Variants in TENM2 observed in about 807,000 individuals in gnomAD.
TENM2 encodes teneurin transmembrane protein 2.
In TENM2, 52 loss-of-function variants were observed where a neutral mutation model predicts 245.2. The ratio of observed to expected loss-of-function variants is 0.21; its 90% CI spans 0.17 to 0.27. The LOEUF is 0.27. TENM2 is among the 10% of genes least tolerant of loss of function. The pLI, the probability that TENM2 is intolerant of heterozygous loss-of-function variation, is 1.00. For missense variants in TENM2, 3,046 were observed against 3,666.8 expected (o/e 0.83, Z 4.37); for synonymous variants, 1,363 against 1,438.9 (o/e 0.95, Z 1.19).
At chr5:168,251,412 G>A (rs1477414658) in intron 27 of TENM2, among the ~76,000 whole-genome samples, 1 of 152,154 alleles carries the variant, frequency 6.6e-6, no homozygotes, top group Non-Finnish European at 1.5e-5. Flanking sequence ...TAAGTCCAAC[G>A]AAATTGAATC....
rs548164951 is a variant in TENM2 at position 168,000,002 on chromosome 5, A to G, written c.1186+6820A>G. Among the ~76,000 whole-genome samples, 23 of 152,322 alleles carry G rather than the reference A, an allele frequency of 1.5e-4. No homozygotes were observed. The South Asian group carries it at 4.4e-3, about 29-fold the overall frequency. On this transcript the variant is annotated intron_variant, in intron 5 of 28. Transcript: ENST00000518659. Reference sequence around the variant, plus strand: ...GAATATGGAGAGTTCTCCACCTACTATCCCTGAATCACCATTCAAGCCTTG... The same window carrying G: ...GAATATGGAGAGTTCTCCACCTACTGTCCCTGAATCACCATTCAAGCCTTG...
At chr5:168,259,262 G>A (rs941007579) in intron 27 of TENM2, among the ~76,000 whole-genome samples, 2 of 151,804 alleles carry the variant, frequency 1.3e-5, no homozygotes, top group Admixed American at 6.6e-5. Flanking sequence ...ACTCTGGGCA[G>A]TCAGTACCCT....
intron 1 of TENM2, among the ~76,000 whole-genome samples, chr5:167,356,264 C>G (rs992330974): frequency 6.7e-6 from 1 of 148,926 alleles, no homozygotes; most frequent in Non-Finnish European, 1.5e-5. Flanking sequence ...AGGGTTGCAT[C>G]TCTATTCTCA....
intron 2 of TENM2, among the ~76,000 whole-genome samples, chr5:167,651,839 C>A (rs142977539): frequency 1.3e-5 from 2 of 152,156 alleles, no homozygotes; most frequent in Non-Finnish European, 2.9e-5. Context: ...CTATCACATG[C>A]AATACCCCAA....
chr5:167,310,623 C>CAAAAACA (rs958917532), intron 1 of TENM2, among the ~76,000 whole-genome samples: 12 of 151,640 alleles, frequency 7.9e-5, no homozygotes, highest in African/African-American at 2.9e-4. Context: ...CAAAATAAAA[C>CAAAAACA]AAAAACAAAA....
chr5:167,594,837 A>G (rs978555986), intron 2 of TENM2, among the ~76,000 whole-genome samples: 1 of 152,192 alleles, frequency 6.6e-6, no homozygotes, highest in African/African-American at 2.4e-5. Context: ...CACTTATGCC[A>G]CACTATTTTT....
intron 2 of TENM2, among the ~76,000 whole-genome samples, chr5:167,798,146 A>G (rs1765451728): frequency 6.6e-6 from 1 of 152,224 alleles, no homozygotes; most frequent in African/African-American, 2.4e-5. Flanking sequence ...TCAGCTAGAA[A>G]GTGGAAGAGC....
At chr5:167,696,137 A>C (rs1416114539) in intron 2 of TENM2, among the ~76,000 whole-genome samples, 1 of 152,192 alleles carries the variant, frequency 6.6e-6, no homozygotes, top group Non-Finnish European at 1.5e-5. Context: ...GATGAAAATC[A>C]TGAGGTGATA....
intron 9 of TENM2, among the ~76,000 whole-genome samples, chr5:168,115,857 GCT>G (rs886864829): frequency 2.0e-5 from 3 of 152,122 alleles, no homozygotes; most frequent in African/African-American, 7.2e-5. Context: ...CGGTTTCGAG[GCT>G]CTATCTGGGC....
rs755764273 is a variant in TENM2 at position 168,248,389 on chromosome 5, A to C, written c.7432+18A>C. On this transcript the variant is annotated intron_variant, in intron 27 of 28. Coordinates refer to ENST00000518659, the Ensembl canonical transcript of TENM2. Reference sequence around the variant, plus strand: ...CGTGACAGGTGAGGATTCTGCCACCAAAGGTGGGCAGTGGCTCCCTCCAGG... The same window carrying C: ...CGTGACAGGTGAGGATTCTGCCACCCAAGGTGGGCAGTGGCTCCCTCCAGG... 5 of 1,600,844 alleles carry C rather than the reference A, an allele frequency of 3.1e-6. No homozygotes were observed. In the South Asian group the frequency reaches 5.6e-5, roughly 18 times the overall value.
the TENM2 span, among the ~76,000 whole-genome samples, chr5:166,999,381 G>C: frequency 6.6e-6 from 1 of 152,134 alleles, no homozygotes; most frequent in Non-Finnish European, 1.5e-5. Context: ...GTCTTTTAGG[G>C]GACAAATACC....
chr5:167,261,331 C>T, the TENM2 span, among the ~76,000 whole-genome samples: 2 of 152,158 alleles, frequency 1.3e-5, no homozygotes. Flanking sequence ...TTCTTAACCT[C>T]TTACAATCTC....
At chr5:166,990,461 C>T in the TENM2 span, among the ~76,000 whole-genome samples, 1 of 152,106 alleles carries the variant, frequency 6.6e-6, no homozygotes, top group Non-Finnish European at 1.5e-5. Flanking sequence ...ATAAAATAAT[C>T]CGGCTGGCTG....
rs115605129 is a variant in TENM2, at chr5:167,284,857, G to A, written c.20G>A (p.Arg7Gln). 6.4e-3 allele frequency: 9,927 copies of A among 1,551,342 alleles called. 42 individuals are homozygous for A. The highest frequency in any genetic ancestry group is 7.7e-3 in the Non-Finnish European group (8,881 of 1,146,932). The change falls in exon 1 of 29, where the codon CGA (arginine) becomes CAA (glutamine). Residue 7 changes from arginine to glutamine, a missense_variant. Coordinates refer to ENST00000518659, the Ensembl canonical transcript of TENM2. Reference sequence around the variant, plus strand: ...GGAATAATGGATGTAAAGGACCGGCGACACCGCTCTTTGACCAGAGGACGC... The same window carrying A: ...GGAATAATGGATGTAAAGGACCGGCAACACCGCTCTTTGACCAGAGGACGC...
chr5:167,892,077 A>G (rs1774803684), intron 3 of TENM2, among the ~76,000 whole-genome samples: 1 of 152,228 alleles, frequency 6.6e-6, no homozygotes. Flanking sequence ...AGCTTGTGAT[A>G]TAACATATTC....
chr5:168,195,107 A>G lies in TENM2; in HGVS notation c.2781-69A>G, dbSNP rs554643330. On this transcript the variant is annotated intron_variant, in intron 14 of 28. Coordinates refer to ENST00000518659, the Ensembl canonical transcript of TENM2. ...AGGGACCAGATGAGGATGAGGGAGC[A>G]GAGGCAGTGGGGAATTGTCTCTGTT... 940 of 1,540,250 alleles carry G rather than the reference A, an allele frequency of 6.1e-4. 6 individuals are homozygous for G. Among genetic ancestry groups the G allele is most frequent in the Middle Eastern group, 5.0e-3 (29 of 5,838 alleles).
intron 2 of TENM2, among the ~76,000 whole-genome samples, chr5:167,803,830 G>T (rs1765955427): frequency 6.6e-6 from 1 of 151,974 alleles, no homozygotes; most frequent in Non-Finnish European, 1.5e-5. Flanking sequence ...CATGTATATA[G>T]TTGTGCAATA....
chr5:167,106,147 T>G, the TENM2 span, among the ~76,000 whole-genome samples: 8 of 152,170 alleles, frequency 5.3e-5, no homozygotes, highest in Non-Finnish European at 7.3e-5. Flanking sequence ...TGCCTGGTAC[T>G]ATTCCTGTAT....
At chr5:167,849,074 A>G (rs1485174761) in intron 2 of TENM2, among the ~76,000 whole-genome samples, 1 of 152,214 alleles carries the variant, frequency 6.6e-6, no homozygotes, top group Non-Finnish European at 1.5e-5. Flanking sequence ...ATGGAATAAA[A>G]TCAAGGTGTC....
Sources: allele counts gnomAD v4.1 joint callset (sites outside exome capture counted in the v4.1 genomes callset), GRCh38; gene constraint gnomAD v4.1.1; transcripts MANE v1.5; gene names NCBI Gene and HGNC (gene_info 2026-07-23, HGNC 2026-07-21).